AP3S1: variants seen among roughly 807,000 people sequenced by gnomAD.
AP3S1 encodes the protein adaptor related protein complex 3 subunit sigma 1.
In AP3S1, 12 loss-of-function variants were observed where a neutral mutation model predicts 21.3. The observed-to-expected ratio is 0.56, with a 90% CI of 0.36 to 0.91. The LOEUF (loss-of-function observed/expected upper bound fraction) is 0.91. AP3S1 is among the 40% of genes least tolerant of loss of function. The probability of loss-of-function intolerance (pLI) is 0.01; values close to 1 mark genes in which losing one functional copy is unlikely to be tolerated. For synonymous variants in AP3S1, 48 were observed against 78.4 expected, an observed-to-expected ratio of 0.61 and a Z score of 2.05; for missense variants, 116 against 225.0, an observed-to-expected ratio of 0.52 and a Z score of 3.10.
intron 1 of AP3S1, among the ~76,000 whole-genome samples, chr5:115,851,560 T>C (rs991130909): frequency 1.3e-5 from 2 of 152,184 alleles, no homozygotes; most frequent in African/African-American, 2.4e-5. Context: ...TGCATTTCTT[T>C]AGTGACTAGT....
intron 3 of AP3S1, among the ~76,000 whole-genome samples, chr5:115,886,393 C>T (rs1580704498): frequency 6.6e-6 from 1 of 152,108 alleles, no homozygotes; most frequent in African/African-American, 2.4e-5. Flanking sequence ...GACAGCAAAA[C>T]CAACCCCTCA....
rs1272791038 is a variant in AP3S1 at position 115,902,899 on chromosome 5, T to G, written c.360T>G (p.Leu120=). 5.0e-6 allele frequency: 8 copies of G among 1,613,052 alleles called. No homozygotes were observed. Among genetic ancestry groups the G allele is most frequent in the Non-Finnish European group, 6.8e-6 (8 of 1,179,780 alleles). ...IFHVDKVHNI[L]AEMVMGGMVL... The stretch of plus-strand genomic sequence containing the variant: ...ATTCCCTTTAGGTTCACAATATTCT[T>G]GCAGAAATGGTGATGGGGGGAATGG... The change falls in exon 5 of 6, where the codon CTT becomes CTG. Residue 120 remains leucine (L), a synonymous_variant. Transcript: ENST00000316788.
intron 1 of AP3S1, among the ~76,000 whole-genome samples, chr5:115,852,164 C>A (rs1762483168): frequency 6.6e-6 from 1 of 152,006 alleles, no homozygotes; most frequent in South Asian, 2.1e-4. Context: ...TTTGTGTTTT[C>A]TCAGAATGAA....
intron 4 of AP3S1, among the ~76,000 whole-genome samples, chr5:115,896,440 A>G (rs1490227873): frequency 6.6e-6 from 1 of 152,142 alleles, no homozygotes; most frequent in Non-Finnish European, 1.5e-5. Context: ...TCACACTTAC[A>G]AAGACTCTTG....
intron 1 of AP3S1, among the ~76,000 whole-genome samples, chr5:115,846,798 C>A (rs1292116866): frequency 6.6e-6 from 1 of 152,030 alleles, no homozygotes; most frequent in Non-Finnish European, 1.5e-5. Flanking sequence ...GGCATTTCAG[C>A]TTTTTGTTAA....
chr5:115,866,279 A>G (rs967290316), intron 1 of AP3S1, among the ~76,000 whole-genome samples: 1 of 152,188 alleles, frequency 6.6e-6, no homozygotes, highest in South Asian at 2.1e-4. Context: ...TCTTTCCTCC[A>G]TTCAAATATA....
At chr5:115,857,039 T>TAAG (rs745752216) in intron 1 of AP3S1, among the ~76,000 whole-genome samples, 1 of 152,202 alleles carries the variant, frequency 6.6e-6, no homozygotes, top group Non-Finnish European at 1.5e-5. Flanking sequence ...GCCAGCATTC[T>TAAG]AAGAAGATTC....
At chr5:115,851,313 C>A (rs531108807) in intron 1 of AP3S1, among the ~76,000 whole-genome samples, 2 of 152,132 alleles carry the variant, frequency 1.3e-5, no homozygotes, top group African/African-American at 4.8e-5. Context: ...GTTTGAGTGC[C>A]TGCTTTTACT....
At chr5:115,895,013 G>T in intron 3 of AP3S1, 74 bp from the exon 4 acceptor site, 1 of 972,716 alleles carries the variant, frequency 1.0e-6, no homozygotes, top group Non-Finnish European at 1.5e-6. Flanking sequence ...TCATAATTAA[G>T]AATTGCCTTC....
chr5:115,861,860 C>CTTTTTTTTTTT (rs1485174401), intron 1 of AP3S1, among the ~76,000 whole-genome samples: 3 of 120,124 alleles, frequency 2.5e-5, no homozygotes, highest in Non-Finnish European at 3.4e-5. Flanking sequence ...ATTTTCTTTT[C>CTTTTTTTTTTT]TTTTCTTTTT....
At chr5:115,850,295 A>G (rs989611000) in intron 1 of AP3S1, among the ~76,000 whole-genome samples, 2 of 151,744 alleles carry the variant, frequency 1.3e-5, no homozygotes, top group African/African-American at 2.4e-5. Flanking sequence ...TACATATCCT[A>G]TTTCCTGTCA....
chr5:115,851,808 G>A (rs1762455041), intron 1 of AP3S1, among the ~76,000 whole-genome samples: 1 of 152,044 alleles, frequency 6.6e-6, no homozygotes, highest in Admixed American at 6.5e-5. Flanking sequence ...ACACACAACT[G>A]TTTAATGAGA....
At chr5:115,844,773 C>T (rs1447177726) in intron 1 of AP3S1, among the ~76,000 whole-genome samples, 1 of 152,144 alleles carries the variant, frequency 6.6e-6, no homozygotes, top group Non-Finnish European at 1.5e-5. Flanking sequence ...TTGCTCAAAG[C>T]CTCCTCCTGG....
chr5:115,866,525 A>G (rs1012242791), intron 1 of AP3S1, 145 bp from the exon 2 acceptor site: 26 of 420,624 alleles, frequency 6.2e-5, no homozygotes, highest in Non-Finnish European at 1.0e-4. Flanking sequence ...TGCTTCTGTA[A>G]GGTATAATTT....
intron 3 of AP3S1, among the ~76,000 whole-genome samples, chr5:115,880,258 T>C (rs1183437012): frequency 6.6e-6 from 1 of 152,168 alleles, no homozygotes; most frequent in East Asian, 1.9e-4. Context: ...TTGAATTTGC[T>C]CTTGCTTCTC....
At chr5:115,847,645 A>T (rs1762157676) in intron 1 of AP3S1, among the ~76,000 whole-genome samples, 1 of 152,172 alleles carries the variant, frequency 6.6e-6, no homozygotes, top group Non-Finnish European at 1.5e-5. Context: ...ATATGTTTTT[A>T]TTGAGGTATA....
At chr5:115,865,965 T>C (rs141054855) in intron 1 of AP3S1, among the ~76,000 whole-genome samples, 3,284 of 152,138 alleles carry the variant, frequency 0.022, 75 homozygotes, top group Middle Eastern at 0.051. Flanking sequence ...CACCCAGCTA[T>C]TTTTGTATTT....
At position 115,902,913 on chromosome 5, in the gene AP3S1, TG is replaced by T. The variant is rs1253149765; in HGVS notation, c.380del (p.Gly127GlufsTer8). ...KVHNILAEMVMGGMVLETNMN... is the reference protein window; with the variant it reads ...KVHNILAEMVXGGMVLETNMN... ...CACAATATTCTTGCAGAAATGGTGA[TG>T]GGGGGAATGGTATTGGAGACAAATA... On this transcript the variant is annotated frameshift_variant, in exon 5 of 6. Transcript: ENST00000316788. LOFTEE classifies it high-confidence loss of function. The T allele has an allele frequency of 3.1e-6, 5 of 1,613,170 alleles. No individual in the cohort carries two copies. In the Admixed American group the frequency reaches 6.7e-5, roughly 22 times the overall value.
chr5:115,858,541 G>A (rs775333409), intron 1 of AP3S1, among the ~76,000 whole-genome samples: 25 of 152,128 alleles, frequency 1.6e-4, no homozygotes, highest in Non-Finnish European at 2.6e-4. Context: ...TCCTTTGGTC[G>A]TAGAAACTTT....
Sources: allele counts gnomAD v4.1 joint callset (sites outside exome capture counted in the v4.1 genomes callset), GRCh38; gene constraint gnomAD v4.1.1; transcripts MANE v1.5; gene names NCBI Gene and HGNC (gene_info 2026-07-23, HGNC 2026-07-21).